The following PROCR variants were observed in gnomAD, a reference collection of about 807,000 sequenced individuals.
PROCR encodes the protein protein C receptor, also known as endothelial protein C receptor.
In PROCR, 22 loss-of-function variants were observed where a neutral mutation model predicts 24.2. That is an observed-to-expected ratio of 0.91 (90% CI 0.65 to 1.30). The LOEUF (loss-of-function observed/expected upper bound fraction) is 1.30. PROCR is among the 50% of genes most tolerant of loss of function. The pLI is 0.00. For synonymous variants in PROCR, 137 were observed against 139.2 expected (o/e 0.98, Z 0.11); for missense variants, 288 against 307.7 (o/e 0.94, Z 0.48).
intron 1 of PROCR, among the ~76,000 whole-genome samples, chr20:35,205,507 T>G (rs2060334943): frequency 6.7e-6 from 1 of 148,620 alleles, no homozygotes; most frequent in Non-Finnish European, 1.5e-5. Flanking sequence ...ATCCCAGCAC[T>G]TTGGGAGGCC....
intron 1 of PROCR, among the ~76,000 whole-genome samples, chr20:35,204,402 C>CTCTTTTCTTTCCTTTTCTCTTT (rs1240609728): frequency 7.6e-6 from 1 of 131,586 alleles, no homozygotes; most frequent in East Asian, 2.7e-4. Context: ...CCTTCCTTCT[C>CTCTTTTCTTTCCTTTTCTCTTT]TCTTTTCTTT....
At chr20:35,203,458 T>C (rs1035501375) in intron 1 of PROCR, among the ~76,000 whole-genome samples, 3 of 151,786 alleles carry the variant, frequency 2.0e-5, no homozygotes, top group Non-Finnish European at 4.4e-5. Flanking sequence ...TTGTTTTTCT[T>C]TTTAGACGAA....
downstream of PROCR, among the ~76,000 whole-genome samples, chr20:35,179,968 G>A (rs1162372855): frequency 1.3e-5 from 2 of 152,112 alleles, no homozygotes; most frequent in South Asian, 2.1e-4. Context: ...CCTGTTGGCC[G>A]GGCATGATGG....
intron 1 of PROCR, among the ~76,000 whole-genome samples, chr20:35,207,514 A>G (rs2060346999): frequency 7.1e-6 from 1 of 140,294 alleles, no homozygotes; most frequent in African/African-American, 2.5e-5. Context: ...TGAGCCTGAA[A>G]TTAGTTAGGA....
At chr20:35,194,277 G>A (rs968053997) in intron 1 of PROCR, among the ~76,000 whole-genome samples, 1 of 152,128 alleles carries the variant, frequency 6.6e-6, no homozygotes, top group Non-Finnish European at 1.5e-5. Flanking sequence ...AGAGAAGTAA[G>A]ATATTAAAAA....
intron 1 of PROCR, chr20:35,215,801 TA>T (rs1048626025): frequency 5.5e-6 from 5 of 903,786 alleles, no homozygotes; most frequent in Non-Finnish European, 6.6e-6. Flanking sequence ...GCTGCTGAAA[TA>T]GGAATTCAGA....
At position 35,174,781 on chromosome 20, in the gene PROCR, G is replaced by C; in HGVS notation, c.150G>C (p.Leu50=). Residue 50 remains leucine (L), a synonymous_variant, in exon 2 of 4, where the codon CTG becomes CTC. Transcript: ENST00000216968. ...TGTGGTACCAGGGCAACGCGTCGCTGGGGGGACACCTAACGCACGTGCTGG... is the reference window on the plus strand; with the variant it reads ...TGTGGTACCAGGGCAACGCGTCGCTCGGGGGACACCTAACGCACGTGCTGG... ...YHVWYQGNAS[L]GGHLTHVLEG... 1 of 1,613,970 alleles carries C rather than the reference G, an allele frequency of 6.2e-7. No homozygotes were observed.
downstream of PROCR, chr20:35,177,499 A>G (rs1600736009): frequency 1.4e-6 from 1 of 710,722 alleles, no homozygotes; most frequent in Non-Finnish European, 1.6e-6. Context: ...CCTAGGCTGG[A>G]GTGCAATGGT....
At chr20:35,176,567 G>A (rs2086020943) in intron 3 of PROCR, 121 bp downstream of exon 3, 3 of 1,595,224 alleles carry the variant, frequency 1.9e-6, no homozygotes, top group Non-Finnish European at 2.6e-6. Context: ...GTTTGGGACA[G>A]AACACACGCA....
intron 1 of PROCR, among the ~76,000 whole-genome samples, chr20:35,188,856 T>G (rs1392548786): frequency 2.0e-5 from 3 of 152,182 alleles, no homozygotes; most frequent in Non-Finnish European, 4.4e-5. Context: ...GCTGAAGCCG[T>G]GACAGAAGAA....
Position 35,172,148 on chromosome 20 carries a change from C to T in PROCR, c.-7C>T, listed in dbSNP as rs769868855. ...CAGGAACCCAGGTCCGGAGCCTCAA[C>T]TTCAGGATGTTGACAACATTGCTGC... On this transcript the variant is annotated 5_prime_UTR_variant, in exon 1 of 4. Transcript: ENST00000216968. 2 of 1,614,192 alleles carry T rather than the reference C, an allele frequency of 1.2e-6. No homozygotes were observed. Among genetic ancestry groups the T allele is most frequent in the South Asian group, 1.1e-5 (1 of 91,088 alleles).
downstream of PROCR, chr20:35,177,385 A>C: frequency 3.1e-6 from 3 of 983,038 alleles, no homozygotes; most frequent in Non-Finnish European, 3.6e-6. Flanking sequence ...CCACTTTGCA[A>C]AATTTCTGGA....
intron 1 of PROCR, among the ~76,000 whole-genome samples, chr20:35,187,407 G>C (rs2086137845): frequency 6.6e-6 from 1 of 152,186 alleles, no homozygotes; most frequent in African/African-American, 2.4e-5. Context: ...GTAGCTGTAA[G>C]TGGCTTGCCC....
chr20:35,182,892 T>G (rs2086089928), intron 1 of PROCR, among the ~76,000 whole-genome samples: 2 of 148,742 alleles, frequency 1.3e-5, no homozygotes, highest in South Asian at 4.2e-4. Context: ...GAGAGTAGCT[T>G]GCACCCAGGA....
At chr20:35,210,727 T>C (rs879049841) in intron 1 of PROCR, among the ~76,000 whole-genome samples, 2 of 151,798 alleles carry the variant, frequency 1.3e-5, no homozygotes, top group African/African-American at 2.4e-5. Flanking sequence ...TTTTTTTTTT[T>C]TCTCTGAGAT....
intron 1 of PROCR, among the ~76,000 whole-genome samples, chr20:35,207,825 C>A (rs549807262): frequency 6.6e-6 from 1 of 152,088 alleles, no homozygotes; most frequent in Admixed American, 6.6e-5. Flanking sequence ...CCACCACGCC[C>A]GGTCAAGTTA....
chr20:35,185,524 G>GTA (rs769131162), intron 1 of PROCR, among the ~76,000 whole-genome samples: 23 of 152,082 alleles, frequency 1.5e-4, no homozygotes, highest in African/African-American at 3.6e-4. Flanking sequence ...AGAAACTCTG[G>GTA]TATATATATA....
intron 1 of PROCR, among the ~76,000 whole-genome samples, chr20:35,208,140 T>C (rs1228245308): frequency 6.6e-6 from 1 of 152,094 alleles, no homozygotes; most frequent in Non-Finnish European, 1.5e-5. Context: ...GATGGGAAAC[T>C]AGAGGCCAGA....
In PROCR at chr20:35,176,589, T is replaced by C. The variant is rs946818095; in HGVS notation, c.602-109T>C. 64 of 1,580,424 alleles carry C rather than the reference T, an allele frequency of 4.0e-5. 1 individual carries two copies. The highest frequency in any genetic ancestry group is 5.3e-5 in the Non-Finnish European group (62 of 1,162,868). On this transcript the variant is annotated intron_variant, in intron 3 of 3. Transcript: ENST00000216968. ...ACAGAACACACGCAGCTTCAGTCAG[T>C]TGGTAAACGGGTCCCTTTCCTCTGG...
Sources: gnomAD v4.1 joint callset for allele counts (sites outside exome capture counted in the v4.1 genomes callset) on GRCh38, gnomAD v4.1.1 for gene constraint, MANE v1.5 for transcripts, NCBI Gene and HGNC (gene_info 2026-07-23, HGNC 2026-07-21) for gene names.